AEBP2: variants seen among roughly 807,000 people sequenced by gnomAD.
AEBP2 encodes the protein zinc finger protein AEBP2.
AEBP2 carries 10 observed loss-of-function variants against 50.8 expected under a neutral mutation model. The observed-to-expected ratio is 0.20, with a 90% CI of 0.12 to 0.33. The LOEUF (loss-of-function observed/expected upper bound fraction) is 0.33, where lower values mean the gene tolerates loss of function less well. AEBP2 is among the 10% of genes least tolerant of loss of function. The pLI, the probability that AEBP2 is intolerant of heterozygous loss-of-function variation, is 1.00. For missense variants in AEBP2, 570 were observed against 688.0 expected (o/e 0.83, Z 1.92); for synonymous variants, 296 against 261.3 (o/e 1.13, Z -1.28).
At chr12:19,422,606 C>T (rs988274235) in intron 1 of AEBP2, among the ~76,000 whole-genome samples, 1 of 151,944 alleles carries the variant, frequency 6.6e-6, no homozygotes, top group Non-Finnish European at 1.5e-5. Flanking sequence ...AAGCGATTCT[C>T]CTGCCTCAGC....
chr12:19,481,092 C>CTTTTTTTTTTTTTTTTTTTTTTTTT (rs71067027), intron 3 of AEBP2, among the ~76,000 whole-genome samples: 2 of 74,050 alleles, frequency 2.7e-5, no homozygotes, highest in African/African-American at 1.1e-4. Flanking sequence ...GCAGTGCATC[C>CTTTTTTTTTTTTTTTTTTTTTTTTT]TTTTTTTTTT....
intron 3 of AEBP2, among the ~76,000 whole-genome samples, chr12:19,479,920 T>C (rs1177598031): frequency 3.3e-5 from 5 of 151,888 alleles, no homozygotes; most frequent in Admixed American, 3.3e-4. Flanking sequence ...TTGGTGGAAT[T>C]TTATCCATTT....
chr12:19,494,038 C>T (rs1461347500), intron 4 of AEBP2, 52 bp downstream of exon 4: 2 of 1,500,056 alleles, frequency 1.3e-6, no homozygotes, highest in East Asian at 2.4e-5. Flanking sequence ...TAAAAGATAT[C>T]TTAGACTTTT....
At chr12:19,475,464 G>GTGTGTATATA (rs879624624) in intron 3 of AEBP2, among the ~76,000 whole-genome samples, 4 of 150,764 alleles carry the variant, frequency 2.7e-5, no homozygotes, top group Admixed American at 6.6e-5. Context: ...GTATGTGTGT[G>GTGTGTATATA]TATATATATA....
At chr12:19,482,482 C>T (rs1948744803) in intron 3 of AEBP2, among the ~76,000 whole-genome samples, 2 of 152,172 alleles carry the variant, frequency 1.3e-5, no homozygotes, top group African/African-American at 2.4e-5. Context: ...TTTCCGCTTC[C>T]TGGGATCTGG....
At chr12:19,432,457 G>A (rs1365589896) in intron 1 of AEBP2, among the ~76,000 whole-genome samples, 2 of 152,158 alleles carry the variant, frequency 1.3e-5, no homozygotes, top group Admixed American at 6.6e-5. Context: ...ACTTTGCTAG[G>A]CCAAGTTGGG....
chr12:19,453,912 C>G (rs564566535), intron 1 of AEBP2, among the ~76,000 whole-genome samples: 15 of 152,202 alleles, frequency 9.9e-5, no homozygotes, highest in African/African-American at 2.7e-4. Flanking sequence ...TTCTCCCCCC[C>G]TCGGCCTCCC....
chr12:19,497,761 C>T (rs183206653), intron 4 of AEBP2, among the ~76,000 whole-genome samples: 42 of 152,226 alleles, frequency 2.8e-4, no homozygotes, highest in African/African-American at 9.1e-4. Flanking sequence ...AGGCATGAGC[C>T]GCTGTGTCCA....
At chr12:19,432,163 T>C (rs1003935133) in intron 1 of AEBP2, among the ~76,000 whole-genome samples, 3 of 152,156 alleles carry the variant, frequency 2.0e-5, no homozygotes, top group African/African-American at 7.2e-5. Context: ...GACTTAGTCA[T>C]TGAATGGAGA....
chr12:19,493,591 C>T (rs1242630184), intron 3 of AEBP2, among the ~76,000 whole-genome samples: 1 of 152,122 alleles, frequency 6.6e-6, no homozygotes, highest in Non-Finnish European at 1.5e-5. Context: ...AAACTTGTTG[C>T]ATTTTCAAGC....
chr12:19,459,530 C>T (rs746336648), intron 1 of AEBP2, among the ~76,000 whole-genome samples: 9 of 152,062 alleles, frequency 5.9e-5, no homozygotes, highest in Admixed American at 2.0e-4. Flanking sequence ...CGCGCCCGGC[C>T]GGGGGAAACT....
intron 1 of AEBP2, among the ~76,000 whole-genome samples, chr12:19,460,420 C>T (rs1161564044): frequency 1.3e-5 from 2 of 152,078 alleles, no homozygotes; most frequent in Non-Finnish European, 2.9e-5. Context: ...TGGCTCACTG[C>T]AACCTCCTAC....
In AEBP2 at chr12:19,439,569, C is replaced by G; in HGVS notation, c.-131C>G. On this transcript the variant is annotated 5_prime_UTR_variant, in exon 1 of 8. Transcript: ENST00000266508. Reference sequence around the variant, plus strand: ...AGCGCGTGTGCAGGCTGACGCAGCTCGCGGGCCCTCCTCCTGCTCTGCAGC... The same window carrying G: ...AGCGCGTGTGCAGGCTGACGCAGCTGGCGGGCCCTCCTCCTGCTCTGCAGC... 3 of 1,230,042 alleles carry G rather than the reference C, an allele frequency of 2.4e-6. No homozygotes were observed. The highest frequency in any genetic ancestry group is 3.3e-6 in the Non-Finnish European group (3 of 919,682). The allele number at this position is 1,230,042 out of a possible 1,614,324, so 76.2% of individuals were successfully genotyped here. A position where few individuals can be genotyped will look rare whatever the true frequency, so the allele number is the denominator to read the frequency against.
At chr12:19,427,598 G>A (rs1431737836) in intron 1 of AEBP2, among the ~76,000 whole-genome samples, 6 of 152,054 alleles carry the variant, frequency 3.9e-5, no homozygotes, top group African/African-American at 7.2e-5. Flanking sequence ...TTCTATGAGC[G>A]AATTTCCATA....
intron 1 of AEBP2, among the ~76,000 whole-genome samples, chr12:19,430,790 G>T (rs1194071366): frequency 6.6e-6 from 1 of 152,110 alleles, no homozygotes; most frequent in Non-Finnish European, 1.5e-5. Context: ...TGTGTTATTG[G>T]TGTATAAGAA....
intron 1 of AEBP2, chr12:19,457,396 A>G: frequency 1.4e-6 from 2 of 1,446,686 alleles, no homozygotes; most frequent in Admixed American, 1.7e-5. Flanking sequence ...GTCACGTAGC[A>G]CTTGCTGTTC....
intron 5 of AEBP2, among the ~76,000 whole-genome samples, chr12:19,501,648 ATT>A (rs138836673): frequency 0.49 from 60,507 of 124,406 alleles, 13,814 homozygotes; most frequent in Non-Finnish European, 0.62. Context: ...AAAAAAAAAA[ATT>A]ATATATACAC....
chr12:19,418,389 CT>C (rs372043971), intron 1 of AEBP2, among the ~76,000 whole-genome samples: 138 of 94,930 alleles, frequency 1.5e-3, no homozygotes, highest in African/African-American at 4.7e-3. Context: ...CTATGCCTGG[CT>C]TTTTTTTTTT....
intron 2 of AEBP2, chr12:19,466,862 A>G (rs1948485594): frequency 1.1e-6 from 1 of 895,662 alleles, no homozygotes; most frequent in Non-Finnish European, 1.3e-6. Context: ...TAAGTTAGCA[A>G]GATCTAAACT....
Sources: allele counts gnomAD v4.1 joint callset (sites outside exome capture counted in the v4.1 genomes callset), GRCh38; gene constraint gnomAD v4.1.1; transcripts MANE v1.5; gene names NCBI Gene and HGNC (gene_info 2026-07-23, HGNC 2026-07-21).